The following RALGDS variants were observed in gnomAD, a reference collection of about 807,000 sequenced individuals.
RALGDS encodes ral guanine nucleotide exchange factor.
RALGDS carries 44 observed loss-of-function variants against 99.8 expected under a neutral mutation model. The observed-to-expected ratio is 0.44, with a 90% CI of 0.35 to 0.57. The LOEUF is 0.57. Ranked by LOEUF, RALGDS falls within the 20% of genes least tolerant of loss-of-function variation. RALGDS has a pLI of 0.01. For missense variants in RALGDS, 1,022 were observed against 1,203.1 expected (o/e 0.85, Z 2.23); for synonymous variants, 529 against 505.0 (o/e 1.05, Z -0.64).
chr9:133,117,057 G>C (rs564485002), intron 1 of RALGDS, among the ~76,000 whole-genome samples: 13 of 152,334 alleles, frequency 8.5e-5, no homozygotes, highest in Non-Finnish European at 1.5e-4. Flanking sequence ...CAAGACACCA[G>C]GCCAGGGAAG....
At position 133,103,210 on chromosome 9, in the gene RALGDS, G is replaced by A. The variant is rs367567181; in HGVS notation, c.1791+20C>T. ...TGTTTTCCACCCCTCCCCAAGTCAGGGCTGCCTGCAGCTGCTTACCTTCCT... is the reference window on the plus strand; with the variant it reads ...TGTTTTCCACCCCTCCCCAAGTCAGAGCTGCCTGCAGCTGCTTACCTTCCT... On this transcript the variant is annotated intron_variant, in intron 12 of 17. Coordinates refer to ENST00000372050, the MANE Select transcript of RALGDS (RefSeq NM_006266.4). The A allele has an allele frequency of 2.4e-5, 38 of 1,613,628 alleles. No homozygotes were observed. Among genetic ancestry groups the A allele is most frequent in the Non-Finnish European group, 3.1e-5 (36 of 1,179,980 alleles).
At chr9:133,105,813 CCCG>C (rs1830992421) in intron 9 of RALGDS, 116 bp downstream of exon 9, 2 of 400,056 alleles carry the variant, frequency 5.0e-6, no homozygotes, top group Non-Finnish European at 4.4e-6. Context: ...AATGCCACCG[CCCG>C]CCGCCCCAGC....
chr9:133,106,536 G>C, intron 8 of RALGDS, 109 bp downstream of exon 8: 1 of 818,866 alleles, frequency 1.2e-6, no homozygotes, highest in South Asian at 1.4e-5. Flanking sequence ...GGTCAGTGAA[G>C]GGTCCCTGCC....
intron 1 of RALGDS, among the ~76,000 whole-genome samples, chr9:133,130,297 T>C (rs1390848906): frequency 6.6e-6 from 1 of 152,142 alleles, no homozygotes; most frequent in Non-Finnish European, 1.5e-5. Context: ...GTATTTTTAT[T>C]AGAGATGGGG....
At chr9:133,131,002 G>A (rs778023641) in exon 1 of RALGDS, 36 of 1,535,620 alleles carry the variant, frequency 2.3e-5, no homozygotes, top group Non-Finnish European at 3.0e-5. Flanking sequence ...TGCAAGTGGA[G>A]GGCACAGGGC....
intron 16 of RALGDS, chr9:133,100,842 A>G: frequency 9.4e-7 from 1 of 1,068,592 alleles, no homozygotes. Flanking sequence ...CACAGGCGGA[A>G]CTCGGACATA....
chr9:133,129,273 T>A (rs1322707167), intron 1 of RALGDS: 4 of 1,595,630 alleles, frequency 2.5e-6, no homozygotes, highest in Non-Finnish European at 3.4e-6. Context: ...TTCCTCCCCC[T>A]GGGCACGGCA....
chr9:133,114,058 G>A (rs547343011), intron 1 of RALGDS, among the ~76,000 whole-genome samples: 1 of 152,324 alleles, frequency 6.6e-6, no homozygotes, highest in South Asian at 2.1e-4. Flanking sequence ...TCTAGAGAGC[G>A]GCTCCTCCGT....
intron 2 of RALGDS, among the ~76,000 whole-genome samples, chr9:133,111,480 C>CT (rs1427401192): frequency 1.3e-5 from 2 of 152,156 alleles, no homozygotes; most frequent in Non-Finnish European, 2.9e-5. Flanking sequence ...GGGGTTTCAC[C>CT]ATGTGGGCCA....
intron 1 of RALGDS, among the ~76,000 whole-genome samples, chr9:133,146,483 C>T (rs1203097385): frequency 2.0e-5 from 3 of 152,174 alleles, no homozygotes; most frequent in Non-Finnish European, 4.4e-5. Context: ...TGAGCCACCG[C>T]GCCCAGCCTC....
chr9:133,143,699 C>T (rs1482468441), intron 1 of RALGDS, among the ~76,000 whole-genome samples: 1 of 149,682 alleles, frequency 6.7e-6, no homozygotes, highest in African/African-American at 2.5e-5. Flanking sequence ...TGATCTGGCC[C>T]CTGCACTGCA....
At chr9:133,122,218 C>G (rs936258493), upstream of RALGDS, among the ~76,000 whole-genome samples, 3 of 152,204 alleles carry the variant, frequency 2.0e-5, no homozygotes, top group African/African-American at 7.2e-5. Flanking sequence ...TTTCTGGAAG[C>G]CAGTGAGGAA....
intron 1 of RALGDS, among the ~76,000 whole-genome samples, chr9:133,138,013 G>T (rs905191764): frequency 2.0e-5 from 3 of 152,222 alleles, no homozygotes; most frequent in Non-Finnish European, 2.9e-5. Context: ...TTGGGAGGCT[G>T]CCTGCCGTGC....
chr9:133,127,654 G>C (rs1332297420), intron 1 of RALGDS, among the ~76,000 whole-genome samples: 1 of 152,220 alleles, frequency 6.6e-6, no homozygotes, highest in Non-Finnish European at 1.5e-5. Context: ...GGCACAGCGG[G>C]CGGGCCTGGC....
intron 7 of RALGDS, 81 bp from the exon 8 acceptor site, chr9:133,106,829 CCCCTCCTAATGAGACAGACA>C: frequency 8.7e-7 from 1 of 1,144,066 alleles, no homozygotes; most frequent in Non-Finnish European, 1.3e-6. Flanking sequence ...GGCCAAGCCT[CCCCTCCTAATGAGACAGACA>C]CCCAGGGAGT....
upstream of RALGDS, among the ~76,000 whole-genome samples, chr9:133,124,279 C>T (rs1832080115): frequency 6.6e-6 from 1 of 151,872 alleles, no homozygotes. Flanking sequence ...GAGACAGACA[C>T]AGGCACACAC....
intron 11 of RALGDS, among the ~76,000 whole-genome samples, 192 bp from the exon 12 acceptor site, chr9:133,103,454 C>A (rs566054630): frequency 6.6e-6 from 1 of 152,168 alleles, no homozygotes; most frequent in Non-Finnish European, 1.5e-5. Flanking sequence ...CCAGCACTCT[C>A]GGAGGACAAT....
At chr9:133,110,250 G>A (rs1224322907) in intron 3 of RALGDS, 46 bp downstream of exon 3, 2 of 1,569,486 alleles carry the variant, frequency 1.3e-6, no homozygotes. Flanking sequence ...TGGGGGTGGG[G>A]GCGAGGGCCC....
intron 1 of RALGDS, among the ~76,000 whole-genome samples, chr9:133,141,233 G>A (rs1832515625): frequency 6.6e-6 from 1 of 152,184 alleles, no homozygotes; most frequent in Non-Finnish European, 1.5e-5. Context: ...AGGCAACCAG[G>A]TCTCATAGCC....
Sources: allele counts gnomAD v4.1 joint callset (sites outside exome capture counted in the v4.1 genomes callset), GRCh38; gene constraint gnomAD v4.1.1; transcripts MANE v1.5; gene names NCBI Gene and HGNC (gene_info 2026-07-23, HGNC 2026-07-21).